Variants in EYS observed in about 807,000 individuals in gnomAD.
EYS encodes the protein protein eyes shut homolog.
A neutral mutation model predicts 282.1 loss-of-function variants in EYS; 250 were observed. The observed-to-expected ratio is 0.89, with a 90% CI of 0.80 to 0.98. The LOEUF (loss-of-function observed/expected upper bound fraction) is 0.98, where lower values mean the gene tolerates loss of function less well. Ranked by LOEUF, EYS falls within the 50% of genes least tolerant of loss-of-function variation. The pLI, the probability that EYS is intolerant of heterozygous loss-of-function variation, is 0.00. For missense variants in EYS, 4,016 were observed against 3,709.0 expected (o/e 1.08, Z -2.15); for synonymous variants, 1,355 against 1,282.9 (o/e 1.06, Z -1.20).
intron 31 of EYS, among the ~76,000 whole-genome samples, chr6:64,104,018 G>C (rs191661595): frequency 3.9e-4 from 60 of 152,218 alleles, no homozygotes; most frequent in Non-Finnish European, 1.5e-4. Context: ...GGAAACCGAG[G>C]ATGAAGAGTT....
chr6:65,585,894 T>G (rs1765027276), intron 2 of EYS, among the ~76,000 whole-genome samples: 1 of 152,056 alleles, frequency 6.6e-6, no homozygotes, highest in African/African-American at 2.4e-5. Context: ...TGCCTGTTAC[T>G]AAAATATTTT....
At chr6:65,222,412 C>A (rs1005702436) in intron 12 of EYS, among the ~76,000 whole-genome samples, 5 of 152,104 alleles carry the variant, frequency 3.3e-5, no homozygotes, top group Non-Finnish European at 7.4e-5. Context: ...GAGTCCCCTG[C>A]ACATGCTCTC....
At chr6:64,110,734 T>C (rs1339527737) in intron 31 of EYS, among the ~76,000 whole-genome samples, 2 of 151,942 alleles carry the variant, frequency 1.3e-5, no homozygotes, top group African/African-American at 2.4e-5. Context: ...GGTTTGATAT[T>C]AGGACCTAAG....
chr6:64,345,723 C>T (rs1411098280), intron 29 of EYS, among the ~76,000 whole-genome samples: 2 of 152,096 alleles, frequency 1.3e-5, no homozygotes, highest in South Asian at 2.1e-4. Flanking sequence ...AACTAAAGAG[C>T]TTCTGCACAG....
intron 2 of EYS, among the ~76,000 whole-genome samples, chr6:65,566,033 C>A (rs1265940655): frequency 6.6e-6 from 1 of 151,292 alleles, no homozygotes; most frequent in East Asian, 2.0e-4. Flanking sequence ...ACCACCATGG[C>A]ATGTGTATAC....
intron 1 of EYS, among the ~76,000 whole-genome samples, chr6:65,658,180 A>G (rs969762291): frequency 6.6e-6 from 1 of 151,728 alleles, no homozygotes; most frequent in Non-Finnish European, 1.5e-5. Flanking sequence ...TCTATGAGGT[A>G]TGCCTGTATT....
Position 63,952,802 on chromosome 6 carries a change from G to A in EYS, c.7055+31581C>T, listed in dbSNP as rs117031890. Among the ~76,000 whole-genome samples, 9 of 152,026 alleles carry A rather than the reference G, an allele frequency of 5.9e-5. No individual in the cohort carries two copies. In the East Asian group the frequency reaches 1.4e-3, roughly 23 times the overall value. On this transcript the variant is annotated intron_variant, in intron 35 of 42. Transcript: ENST00000503581. ...ATGGGACACCTCTACTCCTCCTTGGGGACTGATCATGCAACCTTACCATCC... is the reference window on the plus strand; with the variant it reads ...ATGGGACACCTCTACTCCTCCTTGGAGACTGATCATGCAACCTTACCATCC...
chr6:65,365,382 G>T (rs1300569875), intron 8 of EYS, among the ~76,000 whole-genome samples: 1 of 151,548 alleles, frequency 6.6e-6, no homozygotes, highest in African/African-American at 2.4e-5. Flanking sequence ...CTGAGCAAAA[G>T]ATAGAAAATA....
At chr6:64,634,261 C>A (rs1393684748) in intron 22 of EYS, among the ~76,000 whole-genome samples, 1 of 152,118 alleles carries the variant, frequency 6.6e-6, no homozygotes, top group Non-Finnish European at 1.5e-5. Context: ...GGATTACAGG[C>A]GTGAGCCACC....
At chr6:65,063,390 T>C (rs1257991900) in intron 12 of EYS, among the ~76,000 whole-genome samples, 5 of 152,038 alleles carry the variant, frequency 3.3e-5, no homozygotes, top group Non-Finnish European at 5.9e-5. Context: ...AAAATCTCAC[T>C]GTATAGCACG....
In EYS at chr6:65,402,543, T is replaced by G. The variant is rs1170166567; in HGVS notation, c.1119A>C (p.Ser373=). 6.4e-7 allele frequency: 1 copy of G among 1,563,580 alleles called. No homozygotes were observed. The highest frequency in any genetic ancestry group is 1.4e-5 in the African/African-American group (1 of 73,724). The stretch of plus-strand genomic sequence containing the variant: ...TATTCCTCAAAGGAAATGACTCACA[T>G]GATGTTTGAATGCTCTTACAAAGCA... ...TDLLCKSIQT[S]CESFPLRNNA... The change falls in exon 7 of 43, where the codon TCA becomes TCC. Residue 373 remains serine, a synonymous_variant. Transcript: ENST00000503581.
intron 15 of EYS, among the ~76,000 whole-genome samples, chr6:64,922,669 AGCAGTGCAAATGCACT>A (rs1319612712): frequency 1.3e-5 from 2 of 152,154 alleles, no homozygotes; most frequent in African/African-American, 4.8e-5. Context: ...TCTCCATGAT[AGCAGTGCAAATGCACT>A]GCTTCTAGTC....
intron 31 of EYS, among the ~76,000 whole-genome samples, chr6:64,213,516 G>T (rs1194287877): frequency 6.6e-6 from 1 of 152,078 alleles, no homozygotes; most frequent in African/African-American, 2.4e-5. Context: ...TGTTATATTT[G>T]TCAATTAATG....
intron 35 of EYS, among the ~76,000 whole-genome samples, chr6:63,875,644 T>G (rs1772948105): frequency 6.6e-6 from 1 of 152,184 alleles, no homozygotes; most frequent in African/African-American, 2.4e-5. Context: ...TGCCTCAATT[T>G]CAGAACCTGT....
At chr6:64,104,327 A>C (rs1018948559) in intron 31 of EYS, among the ~76,000 whole-genome samples, 8 of 152,112 alleles carry the variant, frequency 5.3e-5, no homozygotes, top group African/African-American at 1.9e-4. Flanking sequence ...ACTACCAGGA[A>C]GCAGGATTAG....
intron 12 of EYS, among the ~76,000 whole-genome samples, chr6:65,285,827 T>C (rs1440970775): frequency 6.6e-6 from 1 of 152,018 alleles, no homozygotes; most frequent in East Asian, 1.9e-4. Context: ...GACAACTATA[T>C]CATTTAACTT....
chr6:64,115,362 C>A (rs75531740), intron 31 of EYS, among the ~76,000 whole-genome samples: 7 of 152,018 alleles, frequency 4.6e-5, no homozygotes, highest in Non-Finnish European at 8.8e-5. Context: ...ACTACCCAGG[C>A]GCCACACACC....
chr6:64,719,192 A>C (rs2149941556), intron 22 of EYS, among the ~76,000 whole-genome samples: 1 of 152,278 alleles, frequency 6.6e-6, no homozygotes, highest in South Asian at 2.1e-4. Context: ...TTTTCCCTTA[A>C]CCTCAATGAG....
At chr6:65,135,274 C>T (rs1047000588) in intron 12 of EYS, among the ~76,000 whole-genome samples, 4 of 151,792 alleles carry the variant, frequency 2.6e-5, no homozygotes, top group African/African-American at 9.7e-5. Context: ...AGTTACATTC[C>T]CTATGTTATC....
Sources: allele counts gnomAD v4.1 joint callset (sites outside exome capture counted in the v4.1 genomes callset), GRCh38; gene constraint gnomAD v4.1.1; transcripts MANE v1.5; gene names NCBI Gene and HGNC (gene_info 2026-07-23, HGNC 2026-07-21).